The following PLPP4 variants were observed in gnomAD, a reference collection of about 807,000 sequenced individuals.
The protein encoded by PLPP4 is phospholipid phosphatase 4, also known as diacylglycerol pyrophosphate like 2.
PLPP4 carries 20 observed loss-of-function variants against 32.2 expected under a neutral mutation model. That is an observed-to-expected ratio of 0.62 (90% CI 0.44 to 0.90). The LOEUF (loss-of-function observed/expected upper bound fraction) is 0.90, where lower values mean the gene tolerates loss of function less well. Ranked by LOEUF, PLPP4 falls within the 40% of genes least tolerant of loss-of-function variation. PLPP4 has a pLI of 0.00. For synonymous variants in PLPP4, 127 were observed against 133.0 expected (o/e 0.95, Z 0.31); for missense variants, 257 against 353.1 (o/e 0.73, Z 2.18).
At position 120,589,549 on chromosome 10, in the gene PLPP4, C is replaced by T. The variant is rs565784157; in HGVS notation, c.*47C>T. 35 of 1,435,382 alleles carry T rather than the reference C, an allele frequency of 2.4e-5. No individual in the cohort carries two copies. In the African/African-American group the frequency reaches 4.6e-4, roughly 19 times the overall value. The allele number at this position is 1,435,382 out of a possible 1,614,324, so 88.9% of individuals were successfully genotyped here. A position where few individuals can be genotyped will look rare whatever the true frequency, so the allele number is the denominator to read the frequency against. On this transcript the variant is annotated 3_prime_UTR_variant, in exon 7 of 7. Coordinates refer to ENST00000398250, the MANE Select transcript of PLPP4 (RefSeq NM_001030059.3). ...CACTAAGCCCTGGGCACATCTGCCA[C>T]CCTGACATCATAACACAATAGAAAT... is the stretch of plus-strand genomic sequence containing the variant.
intron 1 of PLPP4, among the ~76,000 whole-genome samples, chr10:120,478,242 C>T (rs1365695238): frequency 6.6e-6 from 1 of 152,186 alleles, no homozygotes; most frequent in African/African-American, 2.4e-5. Flanking sequence ...TGACCCATGC[C>T]TAGGGCTGAC....
chr10:120,519,350 C>T (rs372137252), intron 4 of PLPP4, among the ~76,000 whole-genome samples: 3 of 152,134 alleles, frequency 2.0e-5, no homozygotes, highest in East Asian at 3.9e-4. Flanking sequence ...ATCTTTCCTT[C>T]TCTTCTGACT....
At chr10:120,517,146 A>G (rs57887682) in intron 3 of PLPP4, among the ~76,000 whole-genome samples, 2,279 of 152,266 alleles carry the variant, frequency 0.015, 56 homozygotes, top group African/African-American at 0.052. Context: ...CAAGATTTAC[A>G]TGGGGCGATA....
At chr10:120,489,153 T>G (rs1009992150) in intron 1 of PLPP4, among the ~76,000 whole-genome samples, 1 of 152,154 alleles carries the variant, frequency 6.6e-6, no homozygotes, top group Non-Finnish European at 1.5e-5. Flanking sequence ...CAATTCTCAG[T>G]GAGTGCAGCA....
At chr10:120,541,893 G>T (rs1278630123) in intron 5 of PLPP4, among the ~76,000 whole-genome samples, 1 of 151,972 alleles carries the variant, frequency 6.6e-6, no homozygotes, top group Non-Finnish European at 1.5e-5. Context: ...TCTTGCCTCA[G>T]CCTCCCGAGT....
intron 5 of PLPP4, among the ~76,000 whole-genome samples, chr10:120,566,056 T>A (rs1461670426): frequency 6.6e-6 from 1 of 152,180 alleles, no homozygotes; most frequent in Non-Finnish European, 1.5e-5. Context: ...ATTTTATTAT[T>A]CTTTTATAAT....
At chr10:120,534,368 AT>A (rs1033311416) in intron 5 of PLPP4, among the ~76,000 whole-genome samples, 1 of 151,060 alleles carries the variant, frequency 6.6e-6, no homozygotes, top group African/African-American at 2.4e-5. Flanking sequence ...TGCTTTAAAT[AT>A]TTTTTCCTTC....
intron 2 of PLPP4, among the ~76,000 whole-genome samples, chr10:120,512,095 A>G (rs1845751950): frequency 6.6e-6 from 1 of 151,904 alleles, no homozygotes; most frequent in East Asian, 1.9e-4. Context: ...CTCCGTCTCA[A>G]AAAAAAAACA....
intron 6 of PLPP4, among the ~76,000 whole-genome samples, chr10:120,576,860 C>G (rs1187062726): frequency 1.3e-5 from 2 of 152,206 alleles, no homozygotes; most frequent in Non-Finnish European, 2.9e-5. Context: ...GCACAGCCCC[C>G]CATTGGAACT....
At chr10:120,482,111 G>A (rs11199366) in intron 1 of PLPP4, among the ~76,000 whole-genome samples, 52,565 of 151,940 alleles carry the variant, frequency 0.35, 9,275 homozygotes, top group Admixed American at 0.41. Flanking sequence ...GTGTGAAAAC[G>A]GACTAATACA....
intron 1 of PLPP4, among the ~76,000 whole-genome samples, chr10:120,502,147 TG>T (rs1845286065): frequency 6.6e-6 from 1 of 152,196 alleles, no homozygotes; most frequent in Admixed American, 6.5e-5. Context: ...AAGGGTTGAC[TG>T]GGTTCTGTGA....
chr10:120,547,056 T>A (rs2133976161), intron 5 of PLPP4, among the ~76,000 whole-genome samples: 1 of 152,312 alleles, frequency 6.6e-6, no homozygotes, highest in Non-Finnish European at 1.5e-5. Flanking sequence ...AGGTAGCATG[T>A]TCTTTTTTAA....
At chr10:120,538,085 T>TGTGTGTGTGTGTGTG (rs71019774) in intron 5 of PLPP4, among the ~76,000 whole-genome samples, 9 of 127,598 alleles carry the variant, frequency 7.1e-5, no homozygotes, top group African/African-American at 2.1e-4. Context: ...TGTGTGTGTG[T>TGTGTGTGTGTGTGTG]TTTCAGATTC....
At chr10:120,482,718 C>T (rs1386328755) in intron 1 of PLPP4, among the ~76,000 whole-genome samples, 2 of 151,228 alleles carry the variant, frequency 1.3e-5, no homozygotes, top group African/African-American at 4.9e-5. Context: ...TCCTGGCGAA[C>T]AGGGTGAAAC....
intron 5 of PLPP4, among the ~76,000 whole-genome samples, chr10:120,537,264 C>T (rs538805929): frequency 1.3e-5 from 2 of 152,112 alleles, no homozygotes; most frequent in African/African-American, 4.8e-5. Flanking sequence ...GCATTATTCA[C>T]AATAGCCAAG....
At chr10:120,565,285 T>A (rs1248961889) in intron 5 of PLPP4, among the ~76,000 whole-genome samples, 1 of 151,428 alleles carries the variant, frequency 6.6e-6, no homozygotes, top group Non-Finnish European at 1.5e-5. Context: ...CTAAAACATA[T>A]CCCTTACATT....
intron 5 of PLPP4, among the ~76,000 whole-genome samples, chr10:120,547,677 A>G (rs1461059398): frequency 1.3e-5 from 2 of 152,132 alleles, no homozygotes; most frequent in Admixed American, 6.6e-5. Context: ...TCGCAGTTTC[A>G]TGAGGCACCA....
intron 1 of PLPP4, among the ~76,000 whole-genome samples, chr10:120,502,144 G>A (rs909151678): frequency 9.2e-5 from 14 of 152,214 alleles, no homozygotes; most frequent in African/African-American, 3.1e-4. Flanking sequence ...GTGAAGGGTT[G>A]ACTGGGTTCT....
At chr10:120,458,842 C>A (rs930040653) in intron 1 of PLPP4, among the ~76,000 whole-genome samples, 1 of 152,156 alleles carries the variant, frequency 6.6e-6, no homozygotes, top group Non-Finnish European at 1.5e-5. Context: ...GCTAAAACCT[C>A]ATTAAATTAT....
Sources: allele counts gnomAD v4.1 joint callset (sites outside exome capture counted in the v4.1 genomes callset), GRCh38; gene constraint gnomAD v4.1.1; transcripts MANE v1.5; gene names NCBI Gene and HGNC (gene_info 2026-07-23, HGNC 2026-07-21).